STOML1: variants seen among roughly 807,000 people sequenced by gnomAD.
STOML1 encodes the protein stomatin like 1.
Under a neutral mutation model 35.7 loss-of-function variants are expected in STOML1, and 27 were observed. That is an observed-to-expected ratio of 0.76 (90% CI 0.56 to 1.04). STOML1 has a LOEUF of 1.04. STOML1 is among the 50% of genes least tolerant of loss of function. The pLI is 0.00. For synonymous variants in STOML1, 219 were observed against 227.9 expected (o/e 0.96, Z 0.35); for missense variants, 451 against 527.1 (o/e 0.86, Z 1.41).
At position 73,988,627 on chromosome 15, in the gene STOML1, T is replaced by C; in HGVS notation, c.566A>G (p.Glu189Gly). The C allele has an allele frequency of 6.2e-7, 1 of 1,614,224 alleles. No individual in the cohort carries two copies. The highest frequency in any genetic ancestry group is 8.5e-7 in the Non-Finnish European group (1 of 1,180,036). ...AAGCTGGTCGCTGATCTTGAGCTTC[T>C]CCATCTGGATCTCCCGCAGCGGCCT... is the stretch of plus-strand genomic sequence containing the variant. Reference protein sequence around the residue: ...LKRPLREIQMEKLKISDQLLL... With the variant: ...LKRPLREIQMGKLKISDQLLL... Residue 189 changes from glutamate to glycine, a missense_variant, in exon 4 of 7, where the codon GAG becomes GGG. Glu to Gly is a moderately conservative substitution (Grantham distance 98). Coordinates refer to ENST00000541638, the MANE Select transcript of STOML1 (RefSeq NM_004809.5). The surrounding 1 kb of genome is among the most constrained non-coding windows in gnomAD (Gnocchi z 4.8).
At position 73,988,661 on chromosome 15, in the gene STOML1, G is replaced by A; in HGVS notation, c.532C>T (p.Leu178=). 6.2e-7 allele frequency: 1 copy of A among 1,614,222 alleles called. No homozygotes were observed. The highest frequency in any genetic ancestry group is 8.5e-7 in the Non-Finnish European group (1 of 1,180,042). ...ATCTCCCGCAGCGGCCTCTTGAGCA[G>A]GGCCTTGGTCATGGCGTTCTGGGCT... ...MTAQNAMTKA[L]LKRPLREIQM... Residue 178 remains leucine, a synonymous_variant, in exon 4 of 7, where the codon CTG becomes TTG. Coordinates refer to ENST00000541638, the MANE Select transcript of STOML1 (RefSeq NM_004809.5). This position sits in a 1 kb window ranked among gnomAD's most constrained non-coding sequence, Gnocchi z 4.8.
chr15:73,991,963 T>C lies in STOML1; in HGVS notation c.133+128A>G, dbSNP rs565699483. 4.4e-6 allele frequency: 6 copies of C among 1,353,864 alleles called. No homozygotes were observed. In the African/African-American group the frequency reaches 7.4e-5, roughly 17 times the overall value. 83.9% of individuals were successfully genotyped at this position (1,353,864 alleles called of 1,614,324 possible). ...GGTCCAGCCCCCTCTCCACATCGTA[T>C]CCCTTTCTCAGTCCCCCCTCGTAGG... On this transcript the variant is annotated intron_variant, in intron 1 of 6. Transcript: ENST00000541638.
Position 73,982,232 on chromosome 15 carries a change from C to G in STOML1, c.*1705G>C, listed in dbSNP as rs1196285440. On this transcript the variant is annotated 3_prime_UTR_variant, in exon 7 of 7. Transcript: ENST00000541638. ...AGAAACACACAATGTGGAATGGGTG[C>G]AGAGAGCCAGGCAAGGGCACAGAGG... The G allele has an allele frequency of 6.6e-6, 1 of 152,470 alleles. No homozygotes were observed. Among genetic ancestry groups the G allele is most frequent in the Non-Finnish European group, 1.5e-5 (1 of 68,200 alleles). The allele number at this position is 152,470 out of a possible 1,614,324, so 9.4% of individuals were successfully genotyped here.
At chr15:73,991,497 A>G in intron 1 of STOML1, 1 of 443,768 alleles carries the variant, frequency 2.3e-6, no homozygotes, top group South Asian at 1.6e-5. Flanking sequence ...CAGGAAGGCC[A>G]GGGAGGGATC....
In STOML1 at chr15:73,980,512, G is replaced by A. The variant is rs963086919; in HGVS notation, c.*3425C>T. ...AAAGATCCTCAGTGGGTAATGTTAA[G>A]TGAAAAAGGCAACATTGTGTTTCTA... On this transcript the variant is annotated 3_prime_UTR_variant, in exon 7 of 7. Coordinates refer to ENST00000541638, the MANE Select transcript of STOML1 (RefSeq NM_004809.5). 1 of 152,180 alleles carries A rather than the reference G, an allele frequency of 6.6e-6. No individual in the cohort carries two copies. Among genetic ancestry groups the A allele is most frequent in the African/African-American group, 2.4e-5 (1 of 41,436 alleles). 9.4% of individuals were successfully genotyped at this position (152,180 alleles called of 1,614,324 possible). A position where few individuals can be genotyped will look rare whatever the true frequency, so the allele number is the denominator to read the frequency against.
chr15:73,984,678 G>A lies in STOML1; in HGVS notation c.984C>T (p.Tyr328=), dbSNP rs374665494. 1.9e-5 allele frequency: 31 copies of A among 1,614,074 alleles called. No homozygotes were observed. The highest frequency in any genetic ancestry group is 3.3e-5 in the Admixed American group (2 of 60,012). ...CGGCACCTGTAGTGAGGTCCAGGAA[G>A]TAGGCGCTTTGGGTGCCGCTGGGCA... ...VVLPSGTQSA[Y]FLDLTTGRGR... Residue 328 remains tyrosine, a synonymous_variant, in exon 6 of 7, where the codon TAC becomes TAT. Coordinates refer to ENST00000541638, the MANE Select transcript of STOML1 (RefSeq NM_004809.5).
At position 73,983,943 on chromosome 15, in the gene STOML1, C is replaced by T. The variant is rs2069003371; in HGVS notation, c.1191G>A (p.Leu397=). ...GGAAAGTCAGCCAAGGCTGCTACTTCAAGGCCCTGAGGACAGCCTCCAGCT... is the reference window on the plus strand; with the variant it reads ...GGAAAGTCAGCCAAGGCTGCTACTTTAAGGCCCTGAGGACAGCCTCCAGCT... The part of the protein sequence containing the change: ...AMKLEAVLRA[L]K The change falls in exon 7 of 7, where the codon TTG becomes TTA. Residue 397 remains leucine (L), a synonymous_variant. Transcript: ENST00000541638. The T allele has an allele frequency of 1.2e-6, 2 of 1,611,078 alleles. No homozygotes were observed. The highest frequency in any genetic ancestry group is 1.7e-6 in the Non-Finnish European group (2 of 1,177,908).
chr15:73,990,832 G>A (rs1490070168), intron 1 of STOML1: 5 of 1,535,686 alleles, frequency 3.3e-6, no homozygotes, highest in South Asian at 2.4e-5. Context: ...GGAGCCAGGA[G>A]CACCTGGGCA....
rs967446203 is a variant in STOML1 at position 73,989,204 on chromosome 15, G to A, written c.294C>T (p.Thr98=). The part of the protein sequence containing the change: ...MIVFRLGRIR[T]PQGPGMVLLL... ...GCAGAACCATGCCAGGTCCCTGGGG[G>A]GTGCGGATCCGGCCCAGGCGGAACA... is the stretch of plus-strand genomic sequence containing the variant. The change falls in exon 3 of 7, where the codon ACC becomes ACT. Residue 98 remains threonine (T), a synonymous_variant. Coordinates refer to ENST00000541638, the MANE Select transcript of STOML1 (RefSeq NM_004809.5). 8 of 1,611,590 alleles carry A rather than the reference G, an allele frequency of 5.0e-6. No individual in the cohort carries two copies. Among genetic ancestry groups the A allele is most frequent in the African/African-American group, 1.3e-5 (1 of 74,984 alleles).
At chr15:73,989,056 A>C in intron 3 of STOML1, 52 bp downstream of exon 3, 1 of 1,539,860 alleles carries the variant, frequency 6.5e-7, no homozygotes, top group Non-Finnish European at 8.8e-7. Context: ...ACCACAGTAC[A>C]TTCTGGACAG....
At chr15:73,992,952 T>G (rs2069333067), upstream of STOML1, among the ~76,000 whole-genome samples, 1 of 152,136 alleles carries the variant, frequency 6.6e-6, no homozygotes, top group Non-Finnish European at 1.5e-5. Flanking sequence ...TATTCCTCTT[T>G]GTGAACCCAC....
chr15:73,984,156 T>C, intron 6 of STOML1, 26 bp from the exon 7 acceptor site: 1 of 1,597,604 alleles, frequency 6.3e-7, no homozygotes, highest in South Asian at 1.1e-5. Flanking sequence ...AAACCGAGTG[T>C]CAGTAGGGGA....
At chr15:73,989,982 G>C in intron 2 of STOML1, 1 of 206,886 alleles carries the variant, frequency 4.8e-6, no homozygotes, top group Non-Finnish European at 9.9e-6. Flanking sequence ...GGAAAATGAG[G>C]CCTGAATTCC....
chr15:73,979,506 C>G lies in STOML1; in HGVS notation c.*4431G>C, dbSNP rs2068938060. 6.6e-6 allele frequency: 1 copy of G among 152,200 alleles called. No individual in the cohort carries two copies. The highest frequency in any genetic ancestry group is 2.1e-4 in the South Asian group (1 of 4,834). The allele number at this position is 152,200 out of a possible 1,614,324, so 9.4% of individuals were successfully genotyped here. ...AGCTGGGACTACAGCCGTGTACCAC[C>G]ATGCCTGGCTAAATTTTGTATTTTT... On this transcript the variant is annotated 3_prime_UTR_variant, in exon 7 of 7. Transcript: ENST00000541638.
chr15:73,985,645 A>T, intron 4 of STOML1, 132 bp from the exon 5 acceptor site: 2 of 1,091,202 alleles, frequency 1.8e-6, no homozygotes, highest in Non-Finnish European at 2.6e-6. Context: ...TAGCCTGGGA[A>T]CACAGGCAGA....
chr15:73,991,203 G>A (rs191726167), intron 1 of STOML1, among the ~76,000 whole-genome samples: 1 of 152,288 alleles, frequency 6.6e-6, no homozygotes, highest in Non-Finnish European at 1.5e-5. Context: ...TCGGGGTCAG[G>A]GGCAGGGCTA....
chr15:73,985,042 A>G (rs1326547103), intron 5 of STOML1, among the ~76,000 whole-genome samples, 171 bp from the exon 6 acceptor site: 3 of 152,214 alleles, frequency 2.0e-5, no homozygotes, highest in African/African-American at 7.2e-5. Flanking sequence ...CTGAGTTTTC[A>G]GCCTAAACTG....
At chr15:73,989,007 T>TC in intron 3 of STOML1, 101 bp downstream of exon 3, 3 of 1,497,150 alleles carry the variant, frequency 2.0e-6, no homozygotes, top group Non-Finnish European at 1.8e-6. Flanking sequence ...TCTTCCCCCT[T>TC]CCCCCCTCAG....
chr15:73,985,433 C>T lies in STOML1; in HGVS notation c.675G>A (p.Pro225=), dbSNP rs144658215. 3.3e-5 allele frequency: 51 copies of T among 1,555,432 alleles called. No individual in the cohort carries two copies. Among genetic ancestry groups the T allele is most frequent in the Middle Eastern group, 1.8e-4 (1 of 5,618 alleles). The change falls in exon 5 of 7, where the codon CCG becomes CCA. Residue 225 remains proline (P), a synonymous_variant. Transcript: ENST00000541638. The part of the protein sequence containing the change: ...VELAVEAVLQ[P]PQDSPAGPNL... ...TGGGCCCAGCTGGGCTGTCCTGGGG[C>T]GGCTGGAGCACGGCCTCCACTGCCA... is the stretch of plus-strand genomic sequence containing the variant.
Sources: allele counts gnomAD v4.1 joint callset (sites outside exome capture counted in the v4.1 genomes callset), GRCh38; gene constraint gnomAD v4.1.1; non-coding constraint Gnocchi (gnomAD v3.1); transcripts MANE v1.5; gene names NCBI Gene and HGNC (gene_info 2026-07-23, HGNC 2026-07-21).